RFXANK: variants seen among roughly 807,000 people sequenced by gnomAD.
The protein encoded by RFXANK is regulatory factor X associated ankyrin containing protein.
RFXANK carries 19 observed loss-of-function variants against 34.5 expected under a neutral mutation model. The ratio of observed to expected loss-of-function variants is 0.55; its 90% CI spans 0.38 to 0.81. The LOEUF is 0.81. RFXANK is among the 30% of genes least tolerant of loss of function. The pLI, the probability that RFXANK is intolerant of heterozygous loss-of-function variation, is 0.00. For missense variants in RFXANK, 295 were observed against 343.5 expected (o/e 0.86, Z 1.12); for synonymous variants, 154 against 149.8 (o/e 1.03, Z -0.20).
At position 19,201,711 on chromosome 19, in the gene RFXANK, C is replaced by T. The variant is rs199868077; in HGVS notation, c.775C>T (p.Pro259Ser). 122 of 1,613,954 alleles carry T rather than the reference C, an allele frequency of 7.6e-5. No individual in the cohort carries two copies. Among genetic ancestry groups the T allele is most frequent in the Admixed American group, 6.7e-5 (4 of 60,004 alleles). The change falls in exon 10 of 10, where the codon CCT (proline) becomes TCT (serine). Residue 259 changes from proline to serine, a missense_variant. Coordinates refer to ENST00000303088, the MANE Select transcript of RFXANK (RefSeq NM_003721.4). ...CCAGAGCAACCTGGTGCCCGCTGACCCTGAGTGAAGGCCGCCTGCCGGGGA... is the reference window on the plus strand; with the variant it reads ...CCAGAGCAACCTGGTGCCCGCTGACTCTGAGTGAAGGCCGCCTGCCGGGGA... Reference protein sequence around the residue: ...LFQSNLVPADPE With the variant: ...LFQSNLVPADSE
At position 19,198,033 on chromosome 19, in the gene RFXANK, G is replaced by A. The variant is rs535811523; in HGVS notation, c.439-74G>A. 72 of 1,559,286 alleles carry A rather than the reference G, an allele frequency of 4.6e-5. No homozygotes were observed. The South Asian group carries it at 5.3e-4, about 12-fold the overall frequency. On this transcript the variant is annotated intron_variant, in intron 6 of 9. Coordinates refer to ENST00000303088, the MANE Select transcript of RFXANK (RefSeq NM_003721.4). Reference sequence around the variant, plus strand: ...TCTCCAAAAAAAAAAAAAAAGATGCGGCTGCTGTGGGTACCCCAGGATTCC... The same window carrying A: ...TCTCCAAAAAAAAAAAAAAAGATGCAGCTGCTGTGGGTACCCCAGGATTCC...
Position 19,197,509 on chromosome 19 carries a change from T to C in RFXANK, c.338-12T>C, listed in dbSNP as rs755162983. ...GTGCAGCCTGGTGGTATTGCCCGCC[T>C]CCTCCTGCCAGGTGACAACCTCGTC... On this transcript the variant is annotated splice_polypyrimidine_tract_variant and intron_variant, in intron 5 of 9. Coordinates refer to ENST00000303088, the MANE Select transcript of RFXANK (RefSeq NM_003721.4). The C allele has an allele frequency of 5.6e-6, 9 of 1,612,868 alleles. No homozygotes were observed. In the African/African-American group the frequency reaches 9.3e-5, roughly 17 times the overall value.
At chr19:19,198,044 G>A in intron 6 of RFXANK, 63 bp from the exon 7 acceptor site, 1 of 1,596,674 alleles carries the variant, frequency 6.3e-7, no homozygotes, top group Non-Finnish European at 8.5e-7. Context: ...GCTGCTGTGG[G>A]TACCCCAGGA....
chr19:19,198,012 C>CAA (rs368350482), intron 6 of RFXANK, 95 bp from the exon 7 acceptor site: 4,645 of 1,350,426 alleles, frequency 3.4e-3, no homozygotes, highest in Non-Finnish European at 3.7e-3. Context: ...ACTCTATCTC[C>CAA]AAAAAAAAAA....
chr19:19,194,859 A>G (rs1330209613), intron 3 of RFXANK, among the ~76,000 whole-genome samples: 2 of 152,088 alleles, frequency 1.3e-5, no homozygotes, highest in Non-Finnish European at 2.9e-5. Flanking sequence ...TTACTGGGTC[A>G]GATGGTCATC....
intron 8 of RFXANK, 124 bp downstream of exon 8, chr19:19,198,847 G>A: frequency 1.0e-6 from 1 of 987,824 alleles, no homozygotes; most frequent in Non-Finnish European, 1.6e-6. Flanking sequence ...GTCCCTGCCT[G>A]CTCTTCTCGG....
At position 19,194,125 on chromosome 19, in the gene RFXANK, C is replaced by T. The variant is rs142461365; in HGVS notation, c.179C>T (p.Ser60Phe). 6.2e-5 allele frequency: 100 copies of T among 1,614,048 alleles called. No homozygotes were observed. Among genetic ancestry groups the T allele is most frequent in the Non-Finnish European group, 8.3e-5 (98 of 1,179,998 alleles). Residue 60 changes from serine to phenylalanine, a missense_variant, in exon 3 of 10, where the codon TCT becomes TTT. By Grantham distance (155) the Ser-to-Phe change is radical. Coordinates refer to ENST00000303088, the MANE Select transcript of RFXANK (RefSeq NM_003721.4). ...CCTGAACCGGATGCCAGTGTTTCCT[C>T]TCCACAGGGTAGGATACCTCCTCTG... The part of the protein sequence containing the change: ...VNPEPDASVS[S>F]PQAGSSLKHS...
In RFXANK at chr19:19,193,960, A is replaced by G; in HGVS notation, c.14A>G (p.Gln5Arg). The G allele has an allele frequency of 6.2e-7, 1 of 1,614,206 alleles. No individual in the cohort carries two copies. MELT[Q>R]PAEDLIQTQQ... ...CCAGCTTTCCCCATGGAGCTTACCC[A>G]GCCTGCAGAAGACCTCATCCAGACC... Residue 5 changes from glutamine to arginine, a missense_variant, in exon 3 of 10, where the codon CAG (glutamine) becomes CGG (arginine). Coordinates refer to ENST00000303088, the MANE Select transcript of RFXANK (RefSeq NM_003721.4).
intron 8 of RFXANK, 55 bp downstream of exon 8, chr19:19,198,778 G>A (rs371351643): frequency 5.7e-6 from 9 of 1,569,038 alleles, no homozygotes; most frequent in Non-Finnish European, 7.9e-6. Flanking sequence ...CGGGCCCTGC[G>A]GGAATCCTGA....
chr19:19,194,425 G>C (rs557660459), intron 3 of RFXANK, among the ~76,000 whole-genome samples: 8 of 152,098 alleles, frequency 5.3e-5, no homozygotes, highest in Non-Finnish European at 1.2e-4. Flanking sequence ...TAGTAGAGAC[G>C]GGGTTTCACC....
intron 6 of RFXANK, 154 bp downstream of exon 6, chr19:19,197,775 G>A (rs1054919880): frequency 2.1e-5 from 15 of 717,168 alleles, no homozygotes; most frequent in East Asian, 1.1e-4. Flanking sequence ...TTGGGAGGCC[G>A]AGGCGGGTGG....
Position 19,192,374 on chromosome 19 carries a change from G to GA in RFXANK, c.-329dup. 6.9e-6 allele frequency: 4 copies of GA among 583,586 alleles called. No homozygotes were observed. The highest frequency in any genetic ancestry group is 1.2e-5 in the Non-Finnish European group (4 of 327,132). The allele number at this position is 583,586 out of a possible 1,614,324, so 36.2% of individuals were successfully genotyped here. A position where few individuals can be genotyped will look rare whatever the true frequency, so the allele number is the denominator to read the frequency against. On this transcript the variant is annotated 5_prime_UTR_variant, in exon 1 of 10. Coordinates refer to ENST00000303088, the MANE Select transcript of RFXANK (RefSeq NM_003721.4). Reference sequence around the variant, plus strand: ...CTGGTGGAGCGACACCCAGGCAGGAGAGGGGGAAGAACTCTCTCCCTTTCT... The same window carrying GA: ...CTGGTGGAGCGACACCCAGGCAGGAGAAGGGGGAAGAACTCTCTCCCTTTCT...
At chr19:19,193,863 G>A (rs2060545143) in intron 2 of RFXANK, 76 bp from the exon 3 acceptor site, 2 of 1,507,352 alleles carry the variant, frequency 1.3e-6, no homozygotes, top group Non-Finnish European at 1.8e-6. Flanking sequence ...TGCAAGGCTA[G>A]GTATGCAGTC....
intron 3 of RFXANK, among the ~76,000 whole-genome samples, chr19:19,194,401 T>A (rs2060559918): frequency 6.6e-6 from 1 of 152,080 alleles, no homozygotes; most frequent in South Asian, 2.1e-4. Context: ...CCCAGCTAAT[T>A]TTTTGGGTAT....
In RFXANK at chr19:19,197,559, AC is replaced by A; in HGVS notation, c.382del (p.Leu128SerfsTer76). 1 of 1,612,990 alleles carries A rather than the reference AC, an allele frequency of 6.2e-7. No homozygotes were observed. The highest frequency in any genetic ancestry group is 8.5e-7 in the Non-Finnish European group (1 of 1,179,802). ...LVNKPDERGF[T>X]PLIWASAFGE... Reference sequence around the variant, plus strand: ...CAACAAGCCAGACGAGCGCGGCTTCACCCCCCTCATCTGGGCCTCCGCCTTT... The same window carrying A: ...CAACAAGCCAGACGAGCGCGGCTTCACCCCCTCATCTGGGCCTCCGCCTTT... On this transcript the variant is annotated frameshift_variant, in exon 6 of 10. Transcript: ENST00000303088. LOFTEE classifies it high-confidence loss of function.
rs760745972 is a variant in RFXANK, at chr19:19,196,950, G to A, written c.188-13G>A. On this transcript the variant is annotated splice_polypyrimidine_tract_variant and intron_variant, in intron 3 of 9. Coordinates refer to ENST00000303088, the MANE Select transcript of RFXANK (RefSeq NM_003721.4). ...TACTGAGGGGAAACTGACGCCTGTT[G>A]TCTGTTTCCCAGCAGGCAGCTCCCT... is the stretch of plus-strand genomic sequence containing the variant. The A allele has an allele frequency of 1.2e-6, 2 of 1,609,830 alleles. No individual in the cohort carries two copies. The highest frequency in any genetic ancestry group is 2.2e-5 in the South Asian group (2 of 91,062).
rs777194266 is a variant in RFXANK at position 19,198,189 on chromosome 19, G to T, written c.521G>T (p.Gly174Val). ...ASTGGYTDIV[G>V]LLLERDVDIN... ...ACAGGCGGCTACACAGACATTGTGG[G>T]GCTGCTGCTGGAGCGTGACGTGGAC... Residue 174 changes from glycine (G) to valine (V), a missense_variant, in exon 7 of 10, where the codon GGG (glycine) becomes GTG (valine). By Grantham distance (109) the Gly-to-Val change is moderately radical. Transcript: ENST00000303088. The T allele has an allele frequency of 1.2e-6, 2 of 1,614,146 alleles. No homozygotes were observed. The highest frequency in any genetic ancestry group is 1.7e-6 in the Non-Finnish European group (2 of 1,180,018).
intron 3 of RFXANK, among the ~76,000 whole-genome samples, chr19:19,196,184 A>T (rs903805174): frequency 2.0e-5 from 3 of 152,174 alleles, no homozygotes; most frequent in African/African-American, 7.2e-5. Flanking sequence ...GAGGAGAAAG[A>T]TGCACCCTGG....
rs143935174 is a variant in RFXANK at position 19,196,093 on chromosome 19, A to G, written c.188-870A>G. ...ACTTGAAGTTTTTTATTATTTCTCT[A>G]TGTCTGATGCACCTACTTGACCCCC... On this transcript the variant is annotated intron_variant, in intron 3 of 9. Coordinates refer to ENST00000303088, the MANE Select transcript of RFXANK (RefSeq NM_003721.4). Among the ~76,000 whole-genome samples, 7 of 152,146 alleles carry G rather than the reference A, an allele frequency of 4.6e-5. No homozygotes were observed. In the East Asian group the frequency reaches 1.2e-3, roughly 25 times the overall value.
Sources: gnomAD v4.1 joint callset for allele counts (sites outside exome capture counted in the v4.1 genomes callset) on GRCh38, gnomAD v4.1.1 for gene constraint, MANE v1.5 for transcripts, NCBI Gene and HGNC (gene_info 2026-07-23, HGNC 2026-07-21) for gene names.